Variants in MPP7 observed in about 807,000 individuals in gnomAD.
MPP7 encodes the protein MAGUK p55 scaffold protein 7.
In MPP7, 60 loss-of-function variants were observed where a neutral mutation model predicts 76.5. The ratio of observed to expected loss-of-function variants is 0.78; its 90% CI spans 0.64 to 0.97. The LOEUF (loss-of-function observed/expected upper bound fraction) is 0.97. Ranked by LOEUF, MPP7 falls within the 50% of genes least tolerant of loss-of-function variation. The pLI is 0.00. For synonymous variants in MPP7, 237 were observed against 244.5 expected (o/e 0.97, Z 0.29); for missense variants, 641 against 694.0 (o/e 0.92, Z 0.86).
Position 28,234,096 on chromosome 10 carries a change from G to C in MPP7, c.37+4472C>G, listed in dbSNP as rs371060271. Among the ~76,000 whole-genome samples, 6 of 152,154 alleles carry C rather than the reference G, an allele frequency of 3.9e-5. No individual in the cohort carries two copies. The East Asian group carries it at 7.7e-4, about 20-fold the overall frequency. On this transcript the variant is annotated intron_variant, in intron 2 of 16. Transcript: ENST00000683449. ...AAGCCCATCCCAACAAAAGGAACTA[G>C]AGCCCCTTAGAGAAATGTCTACTTC...
rs1173759434 is a variant in MPP7, at chr10:28,130,916, A to AAAATGACAT, written c.447+635_447+643dup. Among the ~76,000 whole-genome samples, 10 of 152,326 alleles carry AAAATGACAT rather than the reference A, an allele frequency of 6.6e-5. No individual in the cohort carries two copies. The East Asian group carries it at 1.9e-3, about 29-fold the overall frequency. On this transcript the variant is annotated intron_variant, in intron 6 of 16. Transcript: ENST00000683449. Reference sequence around the variant, plus strand: ...CATTTGATTTCATATTCCAATATTTAAAATGACATTTTAAATCTTAATACT... The same window carrying AAAATGACAT: ...CATTTGATTTCATATTCCAATATTTAAAATGACATAAATGACATTTTAAATCTTAATACT...
At chr10:28,311,139 T>C (rs1041610992) in intron 2 of MPP7, among the ~76,000 whole-genome samples, 1 of 152,222 alleles carries the variant, frequency 6.6e-6, no homozygotes, top group African/African-American at 2.4e-5. Context: ...CAACCAGTTG[T>C]ACCTGAGCAA....
intron 1 of MPP7, among the ~76,000 whole-genome samples, chr10:28,264,512 C>T (rs1934638626): frequency 6.6e-6 from 1 of 151,676 alleles, no homozygotes; most frequent in Admixed American, 6.6e-5. Context: ...CTGGTGTCTG[C>T]CTTGGTCACA....
intron 13 of MPP7, among the ~76,000 whole-genome samples, 161 bp downstream of exon 13, chr10:28,069,611 A>C (rs531359797): frequency 0.11 from 13,856 of 131,486 alleles, 958 homozygotes; most frequent in African/African-American, 0.2. Flanking sequence ...TCAAAAAAAC[A>C]AAACAAACAA....
chr10:28,222,667 A>T (rs549556171), intron 2 of MPP7, among the ~76,000 whole-genome samples: 1 of 151,982 alleles, frequency 6.6e-6, no homozygotes, highest in African/African-American at 2.4e-5. Flanking sequence ...CCTGGCTAAC[A>T]TGGTGAAACC....
chr10:28,320,690 C>T (rs191487328), intron 2 of MPP7, among the ~76,000 whole-genome samples: 29 of 152,012 alleles, frequency 1.9e-4, no homozygotes, highest in East Asian at 5.8e-4. Flanking sequence ...TCAGGGTGGG[C>T]GGTCCAAAAT....
intron 12 of MPP7, among the ~76,000 whole-genome samples, chr10:28,071,140 G>T (rs11006836): frequency 2.0e-5 from 3 of 152,108 alleles, no homozygotes; most frequent in Non-Finnish European, 4.4e-5. Flanking sequence ...AACTGAGAAC[G>T]CATGCACAGT....
chr10:28,170,866 C>T (rs189794884), intron 3 of MPP7, among the ~76,000 whole-genome samples: 153 of 152,214 alleles, frequency 1.0e-3, no homozygotes, highest in African/African-American at 3.5e-3. Flanking sequence ...TCATTTCTTC[C>T]CTTTTAGCCT....
intron 12 of MPP7, among the ~76,000 whole-genome samples, chr10:28,072,905 T>C (rs141697396): frequency 2.6e-5 from 4 of 152,274 alleles, no homozygotes; most frequent in African/African-American, 7.2e-5. Flanking sequence ...CTTACACTTG[T>C]CCTTTATCAC....
chr10:28,143,919 C>T (rs1002243939), intron 5 of MPP7, among the ~76,000 whole-genome samples: 4 of 151,504 alleles, frequency 2.6e-5, no homozygotes, highest in Non-Finnish European at 4.4e-5. Context: ...GAGTTTCACT[C>T]TTTCACCCAG....
chr10:28,089,130 C>G (rs1853162821), intron 12 of MPP7, among the ~76,000 whole-genome samples: 1 of 152,138 alleles, frequency 6.6e-6, no homozygotes, highest in Non-Finnish European at 1.5e-5. Context: ...CCAGGCTGGT[C>G]TCAAACTCCT....
intron 2 of MPP7, among the ~76,000 whole-genome samples, chr10:28,237,671 C>T (rs958982575): frequency 1.3e-5 from 2 of 152,124 alleles, no homozygotes; most frequent in Non-Finnish European, 2.9e-5. Flanking sequence ...TCTGAGACAG[C>T]CACCTCAGCT....
At chr10:28,109,946 G>T (rs183329004) in intron 11 of MPP7, among the ~76,000 whole-genome samples, 3 of 144,602 alleles carry the variant, frequency 2.1e-5, no homozygotes, top group Non-Finnish European at 4.5e-5. Flanking sequence ...AAAACAGTTT[G>T]TTTTATATTT....
chr10:28,244,113 T>TATG (rs1334342019), intron 1 of MPP7, among the ~76,000 whole-genome samples: 1 of 152,132 alleles, frequency 6.6e-6, no homozygotes, highest in East Asian at 1.9e-4. Flanking sequence ...GGTACATGAG[T>TATG]ATGACTGTGT....
chr10:28,294,231 C>T (rs893984426), intron 1 of MPP7, among the ~76,000 whole-genome samples: 6 of 152,108 alleles, frequency 3.9e-5, no homozygotes, highest in African/African-American at 1.4e-4. Flanking sequence ...GGCGTGAAGC[C>T]GGGAGGTGGA....
chr10:28,285,736 T>C (rs1840776046), intron 1 of MPP7, among the ~76,000 whole-genome samples: 1 of 151,902 alleles, frequency 6.6e-6, no homozygotes, highest in South Asian at 2.1e-4. Context: ...CCAAAAAAAA[T>C]AGAAACTGAA....
chr10:28,229,400 A>T (rs1259570756), intron 2 of MPP7, among the ~76,000 whole-genome samples: 1 of 152,254 alleles, frequency 6.6e-6, no homozygotes. Flanking sequence ...TCCAAGAATG[A>T]GCACAAATAA....
rs373052835 is a variant in MPP7, at chr10:28,056,631, G to A, written c.1408-8C>T. 4.5e-5 allele frequency: 69 copies of A among 1,537,898 alleles called. No individual in the cohort carries two copies. The highest frequency in any genetic ancestry group is 5.5e-5 in the Non-Finnish European group (64 of 1,153,986). ...CCTTAAATGCTTCACTGTCTACAAGGAAGAAAAGAAAGTTTTCTCACATTT... is the reference window on the plus strand; with the variant it reads ...CCTTAAATGCTTCACTGTCTACAAGAAAGAAAAGAAAGTTTTCTCACATTT... On this transcript the variant is annotated splice_polypyrimidine_tract_variant and splice_region_variant and intron_variant, in intron 15 of 16. Coordinates refer to ENST00000683449, the MANE Select transcript of MPP7 (RefSeq NM_001318170.2).
At chr10:28,233,289 A>G (rs1233997392) in intron 2 of MPP7, among the ~76,000 whole-genome samples, 1 of 152,242 alleles carries the variant, frequency 6.6e-6, no homozygotes, top group East Asian at 1.9e-4. Flanking sequence ...GAGAACTCAT[A>G]TTTAGTTTAG....
Sources: allele counts gnomAD v4.1 joint callset (sites outside exome capture counted in the v4.1 genomes callset), GRCh38; gene constraint gnomAD v4.1.1; transcripts MANE v1.5; gene names NCBI Gene and HGNC (gene_info 2026-07-23, HGNC 2026-07-21).